Variants in PRDM16 observed in about 807,000 individuals in gnomAD.
PRDM16 encodes PR/SET domain 16, also known as histone-lysine N-methyltransferase PRDM16.
A neutral mutation model predicts 110.6 loss-of-function variants in PRDM16; 23 were observed. The observed-to-expected ratio is 0.21, with a 90% CI of 0.15 to 0.29. PRDM16 has a LOEUF of 0.29. Among genes scored for constraint, PRDM16 ranks in the 10% least tolerant of loss-of-function variants. PRDM16 has a pLI of 1.00. For synonymous variants in PRDM16, 799 were observed against 781.8 expected, an observed-to-expected ratio of 1.02 and a Z score of -0.37; for missense variants, 1,615 against 1,794.3, an observed-to-expected ratio of 0.90 and a Z score of 1.81.
At chr1:3,304,084 C>T (rs1413830490) in intron 3 of PRDM16, among the ~76,000 whole-genome samples, 2 of 142,698 alleles carry the variant, frequency 1.4e-5, no homozygotes, top group Non-Finnish European at 3.0e-5. Context: ...GCTCTTTAAT[C>T]CTTGGGGACA....
chr1:3,356,482 AAC>A (rs1376051741), intron 3 of PRDM16, among the ~76,000 whole-genome samples: 1 of 152,200 alleles, frequency 6.6e-6, no homozygotes, highest in African/African-American at 2.4e-5. Context: ...CCAACAGAGA[AAC>A]ACTGTTGGGG....
intron 1 of PRDM16, among the ~76,000 whole-genome samples, chr1:3,174,853 G>A (rs1218690468): frequency 2.0e-5 from 3 of 152,190 alleles, no homozygotes; most frequent in Admixed American, 6.5e-5. Context: ...GCCAGGTCCC[G>A]GGTGCAGGTT....
chr1:3,294,123 C>T (rs1641036528), intron 3 of PRDM16, among the ~76,000 whole-genome samples: 1 of 151,374 alleles, frequency 6.6e-6, no homozygotes, highest in African/African-American at 2.5e-5. Context: ...CTACCTAGAA[C>T]CTGCCTACCA....
At chr1:3,235,003 C>T (rs557268573) in intron 2 of PRDM16, among the ~76,000 whole-genome samples, 1 of 152,336 alleles carries the variant, frequency 6.6e-6, no homozygotes, top group Non-Finnish European at 1.5e-5. Context: ...GGGTCAAGGT[C>T]ACCTGCCGTC....
chr1:3,200,980 G>A (rs1270488256), intron 2 of PRDM16, among the ~76,000 whole-genome samples: 1 of 132,544 alleles, frequency 7.5e-6, no homozygotes, highest in Non-Finnish European at 1.5e-5. Flanking sequence ...GGAGGAGGAA[G>A]AGGAGGGGGA....
At chr1:3,430,504 C>T (rs1195481711) in intron 14 of PRDM16, among the ~76,000 whole-genome samples, 1 of 152,238 alleles carries the variant, frequency 6.6e-6, no homozygotes, top group Non-Finnish European at 1.5e-5. Context: ...TGAGGGTGCC[C>T]CTCGTGCACT....
At chr1:3,233,982 G>A (rs1279215336) in intron 2 of PRDM16, among the ~76,000 whole-genome samples, 1 of 152,066 alleles carries the variant, frequency 6.6e-6, no homozygotes, top group Non-Finnish European at 1.5e-5. Context: ...TGGAGGATGG[G>A]CACAGGGCCC....
In PRDM16 at chr1:3,069,331, G is replaced by A. The variant is rs760607829; in HGVS notation, c.37+35G>A. 5 of 1,157,960 alleles carry A rather than the reference G, an allele frequency of 4.3e-6. No individual in the cohort carries two copies. Among genetic ancestry groups the A allele is most frequent in the South Asian group, 2.2e-5 (1 of 45,526 alleles). The allele number at this position is 1,157,960 out of a possible 1,614,324, so 71.7% of individuals were successfully genotyped here. Reference sequence around the variant, plus strand: ...CCGCGCTCGGCCGCGCCGCGCCGCCGGGGCCCGGGCCGCCGGGCCGGGGCG... The same window carrying A: ...CCGCGCTCGGCCGCGCCGCGCCGCCAGGGCCCGGGCCGCCGGGCCGGGGCG... On this transcript the variant is annotated intron_variant, in intron 1 of 16. Transcript: ENST00000270722. The surrounding 1 kb of genome is among the most constrained non-coding windows in gnomAD (Gnocchi z 6.1).
chr1:3,148,251 TGCCCTGGTG>T lies in PRDM16; in HGVS notation c.38-37864_38-37856del, dbSNP rs1277532352. On this transcript the variant is annotated intron_variant, in intron 1 of 16. Transcript: ENST00000270722. This position sits in a 1 kb window ranked among gnomAD's most constrained non-coding sequence, Gnocchi z 5.0. ...ATCTCATGTCCTGGGTGCAATCTCA[TGCCCTGGTG>T]GCCCTGGTGAGAGCAGGTCGGGTGC... is the stretch of plus-strand genomic sequence containing the variant. Among the ~76,000 whole-genome samples, 3 of 152,106 alleles carry T rather than the reference TGCCCTGGTG, an allele frequency of 2.0e-5. No individual in the cohort carries two copies. Among genetic ancestry groups the T allele is most frequent in the Admixed American group, 2.0e-4 (3 of 15,280 alleles).
At chr1:3,278,982 G>A (rs530056355) in intron 3 of PRDM16, among the ~76,000 whole-genome samples, 1 of 152,344 alleles carries the variant, frequency 6.6e-6, no homozygotes, top group South Asian at 2.1e-4. Flanking sequence ...GCGCGGCGCT[G>A]GCCGTGTGCT....
intron 1 of PRDM16, among the ~76,000 whole-genome samples, chr1:3,156,110 A>T (rs1643855481): frequency 6.6e-6 from 1 of 152,202 alleles, no homozygotes; most frequent in Non-Finnish European, 1.5e-5. Flanking sequence ...GACAGAGGAG[A>T]TGACAAATAT....
chr1:3,327,389 A>G (rs1439920264), intron 3 of PRDM16, among the ~76,000 whole-genome samples: 1 of 152,002 alleles, frequency 6.6e-6, no homozygotes, highest in African/African-American at 2.4e-5. Flanking sequence ...CCTCCCTTAG[A>G]TGTGGACACC....
At chr1:3,242,895 T>TCGAC (rs1639707139) in intron 2 of PRDM16, among the ~76,000 whole-genome samples, 1 of 152,258 alleles carries the variant, frequency 6.6e-6, no homozygotes, top group East Asian at 1.9e-4. Flanking sequence ...TTCCGTATAC[T>TCGAC]CGACCGTGCA....
chr1:3,394,000 C>CGCG (rs1044967876), intron 4 of PRDM16, among the ~76,000 whole-genome samples: 55 of 152,274 alleles, frequency 3.6e-4, no homozygotes, highest in South Asian at 1.0e-3. Context: ...TAGACCCTCC[C>CGCG]GCGGCGGCGG....
intron 16 of PRDM16, among the ~76,000 whole-genome samples, chr1:3,432,783 G>A (rs1638803263): frequency 6.6e-6 from 1 of 152,190 alleles, no homozygotes; most frequent in Admixed American, 6.5e-5. Flanking sequence ...AATTCTGTCT[G>A]GAGTGTTAAC....
intron 1 of PRDM16, among the ~76,000 whole-genome samples, chr1:3,106,722 G>C (rs76893188): frequency 0.021 from 3,209 of 152,252 alleles, 116 homozygotes; most frequent in African/African-American, 0.073. Flanking sequence ...AGGCCAGCAT[G>C]GGGGGGAGCA....
At chr1:3,298,876 G>C (rs1343708591) in intron 3 of PRDM16, among the ~76,000 whole-genome samples, 1 of 152,204 alleles carries the variant, frequency 6.6e-6, no homozygotes, top group Non-Finnish European at 1.5e-5. Context: ...TTGCTTTGCT[G>C]TAAGTCCCTT....
In PRDM16 at chr1:3,245,123, G is replaced by A. The variant is rs1241577372; in HGVS notation, c.438+986G>A. Reference sequence around the variant, plus strand: ...GCTGGCACAGAGGAGCCAGTGCTGAGTCAGTGCCTACCGAGTGCTGTTACA... The same window carrying A: ...GCTGGCACAGAGGAGCCAGTGCTGAATCAGTGCCTACCGAGTGCTGTTACA... On this transcript the variant is annotated intron_variant, in intron 3 of 16. Transcript: ENST00000270722. The surrounding 1 kb of genome is among the most constrained non-coding windows in gnomAD (Gnocchi z 4.7). Among the ~76,000 whole-genome samples the A allele has an allele frequency of 6.6e-6, 1 of 152,202 alleles. No individual in the cohort carries two copies.
Position 3,241,732 on chromosome 1 carries a change from G to C in PRDM16, c.388-2355G>C, listed in dbSNP as rs557697518. On this transcript the variant is annotated intron_variant, in intron 2 of 16. Coordinates refer to ENST00000270722, the MANE Select transcript of PRDM16 (RefSeq NM_022114.4). Reference sequence around the variant, plus strand: ...TGGGGGCATTCCATCCCACCCGGACGCTCGGAGGGCAGGGAGACAGGAAGA... The same window carrying C: ...TGGGGGCATTCCATCCCACCCGGACCCTCGGAGGGCAGGGAGACAGGAAGA... Among the ~76,000 whole-genome samples the C allele has an allele frequency of 4.6e-5, 7 of 152,358 alleles. No individual in the cohort carries two copies. In the East Asian group the frequency reaches 1.4e-3, roughly 29 times the overall value.
Sources: gnomAD v4.1 joint callset for allele counts (sites outside exome capture counted in the v4.1 genomes callset) on GRCh38, gnomAD v4.1.1 for gene constraint, Gnocchi (gnomAD v3.1) non-coding constraint, MANE v1.5 for transcripts, NCBI Gene and HGNC (gene_info 2026-07-23, HGNC 2026-07-21) for gene names.